AIG1: variants seen among roughly 807,000 people sequenced by gnomAD.
The protein encoded by AIG1 is androgen induced 1, also known as androgen-induced gene 1 protein.
Under a neutral mutation model 31.4 loss-of-function variants are expected in AIG1, and 23 were observed. The observed-to-expected ratio is 0.73, with a 90% confidence interval of 0.53 to 1.04. The LOEUF is 1.04. Among genes scored for constraint, AIG1 ranks in the 50% least tolerant of loss-of-function variants. The pLI is 0.00. For synonymous variants in AIG1, 100 were observed against 110.5 expected (o/e 0.90, Z 0.60); for missense variants, 274 against 295.0 (o/e 0.93, Z 0.52).
intron 1 of AIG1, among the ~76,000 whole-genome samples, chr6:143,125,988 C>T (rs565413896): frequency 1.3e-5 from 2 of 152,288 alleles, no homozygotes; most frequent in African/African-American, 4.8e-5. Flanking sequence ...TCACATTCTG[C>T]AAACCACACA....
chr6:143,267,597 A>G (rs1796244021), intron 3 of AIG1, among the ~76,000 whole-genome samples: 1 of 152,140 alleles, frequency 6.6e-6, no homozygotes, highest in Admixed American at 6.5e-5. Flanking sequence ...CTTGAAGCTG[A>G]AAAGATTCTC....
chr6:143,117,840 G>GAGGTACC (rs1781872615), intron 1 of AIG1, among the ~76,000 whole-genome samples: 1 of 152,180 alleles, frequency 6.6e-6, no homozygotes, highest in Non-Finnish European at 1.5e-5. Flanking sequence ...GGTACCTCAT[G>GAGGTACC]AGGTACCTTC....
upstream of AIG1, chr6:143,060,817 C>A: frequency 4.0e-6 from 1 of 250,948 alleles, no homozygotes; most frequent in Non-Finnish European, 5.9e-6. Context: ...CCGCCCCGCC[C>A]CGCGCCCGCG....
At chr6:143,065,758 C>T (rs1235307531) in intron 1 of AIG1, among the ~76,000 whole-genome samples, 3 of 152,178 alleles carry the variant, frequency 2.0e-5, no homozygotes, top group African/African-American at 7.2e-5. Context: ...TCAACCAGAA[C>T]ATTATTCATA....
chr6:143,124,384 C>G (rs1782504089), intron 1 of AIG1, among the ~76,000 whole-genome samples: 1 of 152,204 alleles, frequency 6.6e-6, no homozygotes, highest in Non-Finnish European at 1.5e-5. Context: ...CTTCACAGCC[C>G]CAGCCTGTTC....
intron 1 of AIG1, chr6:143,126,211 G>C (rs1441935203): frequency 6.6e-6 from 1 of 152,212 alleles, no homozygotes; most frequent in Non-Finnish European, 1.5e-5. Flanking sequence ...CATCGTCTCT[G>C]GATGAGGGAG....
intron 3 of AIG1, among the ~76,000 whole-genome samples, chr6:143,230,910 C>A (rs1018848516): frequency 1.3e-5 from 2 of 152,136 alleles, no homozygotes; most frequent in Admixed American, 1.3e-4. Flanking sequence ...CCATTTGTTG[C>A]TCCTTAAATG....
At chr6:143,212,549 A>C (rs1791673395) in intron 3 of AIG1, among the ~76,000 whole-genome samples, 1 of 152,174 alleles carries the variant, frequency 6.6e-6, no homozygotes, top group Admixed American at 6.5e-5. Flanking sequence ...CAAGTGACTG[A>C]CCAGACCATG....
At chr6:143,322,970 A>G (rs574843930) in intron 4 of AIG1, among the ~76,000 whole-genome samples, 2 of 152,346 alleles carry the variant, frequency 1.3e-5, no homozygotes, top group African/African-American at 4.8e-5. Context: ...TTAATCTAAC[A>G]TAAATTGACT....
Position 143,328,435 on chromosome 6 carries a change from A to G in AIG1, c.516-4847A>G, listed in dbSNP as rs914421236. On this transcript the variant is annotated intron_variant, in intron 4 of 5. Transcript: ENST00000357847. The surrounding 1 kb of genome is among the most constrained non-coding windows in gnomAD (Gnocchi z 4.0). ...TAAATACACAAGAGAAAGAAAGACTAAAGGCAAGTGGGAGGTTTAAAAAAA... is the reference window on the plus strand; with the variant it reads ...TAAATACACAAGAGAAAGAAAGACTGAAGGCAAGTGGGAGGTTTAAAAAAA... 2.6e-5 allele frequency among the ~76,000 whole-genome samples: 4 copies of G among 152,218 alleles called. No homozygotes were observed. The highest frequency in any genetic ancestry group is 5.9e-5 in the Non-Finnish European group (4 of 68,032).
chr6:143,180,647 G>C (rs1305431871), intron 3 of AIG1, among the ~76,000 whole-genome samples: 2 of 152,120 alleles, frequency 1.3e-5, no homozygotes, highest in African/African-American at 4.8e-5. Context: ...TGTTTATAAA[G>C]TGCTTTCAGA....
intron 1 of AIG1, among the ~76,000 whole-genome samples, chr6:143,104,907 A>G (rs1583190521): frequency 1.4e-5 from 2 of 142,464 alleles, no homozygotes; most frequent in South Asian, 4.4e-4. Context: ...TCAAAAAAAG[A>G]AAAAAAAAAA....
At chr6:143,161,721 A>G (rs79841913) in intron 2 of AIG1, among the ~76,000 whole-genome samples, 1 of 152,238 alleles carries the variant, frequency 6.6e-6, no homozygotes, top group Non-Finnish European at 1.5e-5. Flanking sequence ...ACCATCTGAA[A>G]AAATGGAAAA....
chr6:143,060,701 G>T, upstream of AIG1: 1 of 440,326 alleles, frequency 2.3e-6, no homozygotes, highest in Non-Finnish European at 4.7e-6. Flanking sequence ...GCGGCCGGCA[G>T]TGGAGAGCGT....
chr6:143,236,474 A>G (rs949264315), intron 3 of AIG1, among the ~76,000 whole-genome samples: 2 of 152,262 alleles, frequency 1.3e-5, no homozygotes, highest in Admixed American at 1.3e-4. Flanking sequence ...GCCTATGGCC[A>G]GAGCCCAGCA....
chr6:143,228,137 C>A (rs1369402645), intron 3 of AIG1, among the ~76,000 whole-genome samples: 2 of 152,166 alleles, frequency 1.3e-5, no homozygotes, highest in Non-Finnish European at 2.9e-5. Flanking sequence ...CCCTGTGTTA[C>A]CTCCAAAAGA....
At chr6:143,241,025 C>T (rs929593976) in intron 3 of AIG1, among the ~76,000 whole-genome samples, 1 of 152,074 alleles carries the variant, frequency 6.6e-6, no homozygotes, top group African/African-American at 2.4e-5. Context: ...CAAACATTGA[C>T]CTGATGTTTG....
intron 2 of AIG1, among the ~76,000 whole-genome samples, chr6:143,149,787 T>G (rs1346242497): frequency 2.6e-5 from 4 of 152,210 alleles, no homozygotes; most frequent in African/African-American, 9.6e-5. Flanking sequence ...TCATTTCAAA[T>G]ATTGCATGCA....
At chr6:143,196,652 G>A (rs964125740) in intron 3 of AIG1, among the ~76,000 whole-genome samples, 1 of 152,078 alleles carries the variant, frequency 6.6e-6, no homozygotes, top group Non-Finnish European at 1.5e-5. Context: ...TGGGCTCCAG[G>A]CGTTGACTGT....
Sources: allele counts gnomAD v4.1 joint callset (sites outside exome capture counted in the v4.1 genomes callset), GRCh38; gene constraint gnomAD v4.1.1; non-coding constraint Gnocchi (gnomAD v3.1); transcripts MANE v1.5; gene names NCBI Gene and HGNC (gene_info 2026-07-23, HGNC 2026-07-21).